The following TMEM131L variants were observed in gnomAD, a reference collection of about 807,000 sequenced individuals.
The protein encoded by TMEM131L is transmembrane 131 like.
A neutral mutation model predicts 192.2 loss-of-function variants in TMEM131L; 54 were observed. That is an observed-to-expected ratio of 0.28 (90% CI 0.23 to 0.35). The LOEUF is 0.35. Among genes scored for constraint, TMEM131L ranks in the 10% least tolerant of loss-of-function variants. TMEM131L has a pLI of 1.00. For synonymous variants in TMEM131L, 701 were observed against 704.9 expected (o/e 0.99, Z 0.09); for missense variants, 1,888 against 1,972.9 (o/e 0.96, Z 0.82).
chr4:153,589,037 G>C (rs372627538), intron 16 of TMEM131L, 30 bp downstream of exon 16: 1 of 1,199,578 alleles, frequency 8.3e-7, no homozygotes, highest in Non-Finnish European at 1.2e-6. Flanking sequence ...TTTTTTGTTC[G>C]GTGGTGGGGA....
intron 3 of TMEM131L, among the ~76,000 whole-genome samples, chr4:153,521,209 G>A (rs1735086071): frequency 6.6e-6 from 1 of 152,152 alleles, no homozygotes; most frequent in Admixed American, 6.5e-5. Context: ...TAACCATTAG[G>A]GATTCAGCAC....
At chr4:153,605,459 C>T (rs916459390) in intron 25 of TMEM131L, among the ~76,000 whole-genome samples, 24 of 152,238 alleles carry the variant, frequency 1.6e-4, no homozygotes, top group African/African-American at 3.9e-4. Context: ...CCTCCACCTC[C>T]GGGGCTCAAG....
At chr4:153,624,879 C>T (rs1733721073) in intron 29 of TMEM131L, among the ~76,000 whole-genome samples, 1 of 152,226 alleles carries the variant, frequency 6.6e-6, no homozygotes, top group Non-Finnish European at 1.5e-5. Context: ...AAAAGAAAGT[C>T]TTGTCTGAGA....
intron 3 of TMEM131L, among the ~76,000 whole-genome samples, chr4:153,501,062 C>T (rs1212804385): frequency 1.3e-5 from 2 of 152,100 alleles, no homozygotes; most frequent in Non-Finnish European, 2.9e-5. Context: ...TAACAGGGTA[C>T]GCCAAGTACC....
At chr4:153,600,304 C>G (rs1227115360) in intron 21 of TMEM131L, among the ~76,000 whole-genome samples, 4 of 151,228 alleles carry the variant, frequency 2.6e-5, no homozygotes, top group Non-Finnish European at 5.9e-5. Context: ...GAGAGCTGGT[C>G]TGCAGTGAGC....
At chr4:153,620,651 G>C (rs1197321296) in intron 26 of TMEM131L, 105 bp from the exon 27 acceptor site, 2 of 657,832 alleles carry the variant, frequency 3.0e-6, no homozygotes, top group East Asian at 7.1e-5. Flanking sequence ...GTTTTCAACA[G>C]CACTGGGACA....
At chr4:153,567,059 G>A (rs1485300428) in intron 7 of TMEM131L, among the ~76,000 whole-genome samples, 1 of 152,204 alleles carries the variant, frequency 6.6e-6, no homozygotes, top group Admixed American at 6.5e-5. Flanking sequence ...GCCTTCTAAG[G>A]TGCTGATCCC....
intron 25 of TMEM131L, among the ~76,000 whole-genome samples, chr4:153,605,806 T>C (rs1732192857): frequency 6.6e-6 from 1 of 152,258 alleles, no homozygotes; most frequent in Non-Finnish European, 1.5e-5. Flanking sequence ...GATGAGCTTT[T>C]ATGCATTTGG....
chr4:153,549,940 A>G (rs1032966409), intron 3 of TMEM131L, 133 bp from the exon 4 acceptor site: 5 of 434,998 alleles, frequency 1.1e-5, no homozygotes, highest in African/African-American at 8.2e-5. Context: ...TAATAGTTCA[A>G]TTTTATCATT....
chr4:153,485,985 A>G (rs1488366836), intron 3 of TMEM131L, among the ~76,000 whole-genome samples: 1 of 152,224 alleles, frequency 6.6e-6, no homozygotes, highest in Admixed American at 6.5e-5. Context: ...GCGTGATCCT[A>G]GGTGTCCTCT....
chr4:153,624,508 A>G (rs996132633), intron 29 of TMEM131L, among the ~76,000 whole-genome samples: 1 of 152,168 alleles, frequency 6.6e-6, no homozygotes, highest in Non-Finnish European at 1.5e-5. Flanking sequence ...TAAACTTTTA[A>G]CTTTAGTAAA....
intron 7 of TMEM131L, among the ~76,000 whole-genome samples, chr4:153,559,103 T>G (rs902377281): frequency 3.3e-5 from 5 of 152,174 alleles, no homozygotes; most frequent in African/African-American, 1.2e-4. Context: ...TACCTGGGGC[T>G]TTCATTCATT....
intron 26 of TMEM131L, 107 bp downstream of exon 26, chr4:153,612,507 A>G (rs763213538): frequency 1.2e-6 from 1 of 826,852 alleles, no homozygotes; most frequent in Non-Finnish European, 1.8e-6. Context: ...ATCCATATTA[A>G]TAACTGGTGA....
intron 19 of TMEM131L, among the ~76,000 whole-genome samples, chr4:153,595,061 AATATT>A (rs903155245): frequency 2.0e-5 from 3 of 152,190 alleles, no homozygotes; most frequent in African/African-American, 7.2e-5. Context: ...TTTCCCAAGA[AATATT>A]ATATATTTTG....
At chr4:153,490,404 T>C (rs1447276680) in intron 3 of TMEM131L, among the ~76,000 whole-genome samples, 1 of 152,160 alleles carries the variant, frequency 6.6e-6, no homozygotes, top group Non-Finnish European at 1.5e-5. Flanking sequence ...GAGAGTGAGA[T>C]GGAGAAGGCA....
intron 3 of TMEM131L, among the ~76,000 whole-genome samples, chr4:153,497,878 CAAAAAAAA>C (rs200874155): frequency 2.0e-4 from 14 of 70,328 alleles, no homozygotes; most frequent in East Asian, 6.6e-4. Context: ...GAAAAATTTC[CAAAAAAAA>C]AAAAAAAAAA....
Position 153,602,178 on chromosome 4 carries a change from T to C in TMEM131L, c.2293T>C (p.Ser765Pro). The C allele has an allele frequency of 1.2e-6, 2 of 1,600,854 alleles. No homozygotes were observed. The highest frequency in any genetic ancestry group is 1.7e-6 in the Non-Finnish European group (2 of 1,174,270). Residue 765 changes from serine (S) to proline (P), a missense_variant, in exon 22 of 35, where the codon TCT (serine) becomes CCT (proline). Ser to Pro is a moderately conservative substitution (Grantham distance 74). Transcript: ENST00000409959. Reference protein sequence around the residue: ...RQLKDSKQILSITKNFKVENI... With the variant: ...RQLKDSKQILPITKNFKVENI... ...ACTGAAAGACAGTAAGCAAATTTTA[T>C]CTATTACAAAGAACTTTAAAGTTGA... is the stretch of plus-strand genomic sequence containing the variant.
At chr4:153,551,073 G>T (rs1020196999) in intron 4 of TMEM131L, among the ~76,000 whole-genome samples, 1 of 152,240 alleles carries the variant, frequency 6.6e-6, no homozygotes, top group African/African-American at 2.4e-5. Context: ...AAGCTTCCTG[G>T]ATGCAGAATA....
chr4:153,469,919 T>G (rs1042659055), intron 2 of TMEM131L, among the ~76,000 whole-genome samples: 2 of 147,602 alleles, frequency 1.4e-5, no homozygotes, highest in Admixed American at 1.3e-4. Flanking sequence ...AGAGCAAAAC[T>G]TTGTCTCAAA....
Sources: allele counts gnomAD v4.1 joint callset (sites outside exome capture counted in the v4.1 genomes callset), GRCh38; gene constraint gnomAD v4.1.1; transcripts MANE v1.5; gene names NCBI Gene and HGNC (gene_info 2026-07-23, HGNC 2026-07-21).